The following ZNF69 variants were observed in gnomAD, a reference collection of about 807,000 sequenced individuals.
ZNF69 encodes the protein ZNF3.
Under a neutral mutation model 50.9 loss-of-function variants are expected in ZNF69, and 47 were observed. That is an observed-to-expected ratio of 0.92 (90% CI 0.73 to 1.18). The LOEUF is 1.18. Ranked by LOEUF, ZNF69 falls within the 50% of genes most tolerant of loss-of-function variation. The pLI is 0.00. For synonymous variants in ZNF69, 216 were observed against 223.1 expected, an observed-to-expected ratio of 0.97 and a Z score of 0.29; for missense variants, 717 against 675.1, an observed-to-expected ratio of 1.06 and a Z score of -0.69.
the ZNF69 span, chr19:11,948,397 T>G: frequency 3.4e-5 from 55 of 1,613,886 alleles, no homozygotes; most frequent in Non-Finnish European, 4.6e-5. Flanking sequence ...TGAAGTAAAA[T>G]CATGTGACAG....
At chr19:11,928,965 A>G in the ZNF69 span, among the ~76,000 whole-genome samples, 3 of 147,436 alleles carry the variant, frequency 2.0e-5, no homozygotes, top group Admixed American at 6.7e-5. Context: ...GGAGAGGGAA[A>G]GGGTCTTTCC....
In ZNF69 at chr19:11,887,815, CT is replaced by C; in HGVS notation, c.-107del. The C allele has an allele frequency of 1.1e-6, 1 of 926,666 alleles. No individual in the cohort carries two copies. The highest frequency in any genetic ancestry group is 1.5e-5 in the South Asian group (1 of 67,712). 57.4% of individuals were successfully genotyped at this position (926,666 alleles called of 1,614,324 possible). The stretch of plus-strand genomic sequence containing the variant: ...TCCAGACACTGAGGGGGTCGCATTC[CT>C]TACCTCACCTTTGTCCCTGCGCGGG... On this transcript the variant is annotated 5_prime_UTR_variant, in exon 1 of 4. Transcript: ENST00000429654.
chr19:11,944,874 C>A, the ZNF69 span, among the ~76,000 whole-genome samples: 1 of 152,200 alleles, frequency 6.6e-6, no homozygotes, highest in Non-Finnish European at 1.5e-5. Flanking sequence ...GACTCCTGGC[C>A]TAGATGGGTG....
the ZNF69 span, among the ~76,000 whole-genome samples, chr19:11,958,688 C>T: frequency 6.6e-6 from 1 of 152,138 alleles, no homozygotes; most frequent in Admixed American, 6.5e-5. Context: ...CCAGCCTGGC[C>T]TGTGTCTCCA....
the ZNF69 span, among the ~76,000 whole-genome samples, chr19:11,941,899 C>T: frequency 2.0e-5 from 3 of 152,172 alleles, no homozygotes; most frequent in Middle Eastern, 3.2e-3. Flanking sequence ...TCCATTCAGC[C>T]GTCAGTGGAT....
At chr19:11,979,766 G>A in the ZNF69 span, 38 of 1,581,462 alleles carry the variant, frequency 2.4e-5, no homozygotes, top group Non-Finnish European at 3.3e-5. Flanking sequence ...TCGAATCCAT[G>A]GTAGAACTCA....
the ZNF69 span, among the ~76,000 whole-genome samples, chr19:11,940,856 G>A: frequency 2.0e-5 from 3 of 152,138 alleles, no homozygotes; most frequent in Admixed American, 2.0e-4. Flanking sequence ...TAGATACAGA[G>A]TGTTGACATA....
the ZNF69 span, among the ~76,000 whole-genome samples, chr19:11,919,826 C>G: frequency 0.051 from 7,702 of 152,196 alleles, 425 homozygotes; most frequent in African/African-American, 0.13. Context: ...ATGTTGGACT[C>G]CCGAAGCTCC....
At chr19:11,978,242 TG>T in the ZNF69 span, 1 of 1,613,942 alleles carries the variant, frequency 6.2e-7, no homozygotes, top group East Asian at 2.2e-5. Context: ...CAAAATCATG[TG>T]ATAACTTTGT....
At chr19:11,899,074 AT>A (rs1972188352) in intron 1 of ZNF69, among the ~76,000 whole-genome samples, 1 of 152,036 alleles carries the variant, frequency 6.6e-6, no homozygotes, top group African/African-American at 2.4e-5. Flanking sequence ...TGCCCTCAAA[AT>A]CCCCTGTGCT....
chr19:11,932,635 ATT>A, the ZNF69 span, among the ~76,000 whole-genome samples: 410 of 116,818 alleles, frequency 3.5e-3, 19 homozygotes, highest in African/African-American at 0.013. Flanking sequence ...CCAATATGTG[ATT>A]TTTTTTTTTT....
rs1247808758 is a variant in ZNF69 at position 11,906,492 on chromosome 19, C to A, written c.*394C>A. Among the ~76,000 whole-genome samples the A allele has an allele frequency of 1.3e-5, 2 of 152,186 alleles. No individual in the cohort carries two copies. Among genetic ancestry groups the A allele is most frequent in the Non-Finnish European group, 2.9e-5 (2 of 68,040 alleles). On this transcript the variant is annotated 3_prime_UTR_variant, in exon 4 of 4. Transcript: ENST00000429654. Reference sequence around the variant, plus strand: ...GTGACGAAGCTTCCAGAGGAAGGATCAGGCAACAACATTTGCCGTTCTGCA... The same window carrying A: ...GTGACGAAGCTTCCAGAGGAAGGATAAGGCAACAACATTTGCCGTTCTGCA...
the ZNF69 span, chr19:11,925,407 G>T: frequency 2.1e-6 from 3 of 1,402,330 alleles, no homozygotes; most frequent in African/African-American, 4.4e-5. Flanking sequence ...TGAGCAGTTC[G>T]GCCCTCGGTC....
downstream of ZNF69, among the ~76,000 whole-genome samples, chr19:11,909,230 T>A (rs1258160043): frequency 2.6e-5 from 4 of 152,202 alleles, no homozygotes; most frequent in African/African-American, 9.7e-5. Context: ...CACAGCTGAA[T>A]TCTACCAGAG....
chr19:11,979,084 A>G, the ZNF69 span: 5 of 1,614,120 alleles, frequency 3.1e-6, no homozygotes, highest in Admixed American at 1.7e-5. Context: ...ACACCTAAGA[A>G]TGCGCTCTGG....
chr19:11,964,257 G>C, the ZNF69 span, among the ~76,000 whole-genome samples: 19,195 of 152,240 alleles, frequency 0.13, 2,238 homozygotes, highest in African/African-American at 0.31. Flanking sequence ...GAAGAGACGT[G>C]CAGACGCCTT....
At chr19:11,895,302 G>T (rs11085798) in intron 1 of ZNF69, among the ~76,000 whole-genome samples, 27,859 of 152,250 alleles carry the variant, frequency 0.18, 3,417 homozygotes, top group Non-Finnish European at 0.27. Context: ...CAGCACAGCT[G>T]CAGAGCAACA....
the ZNF69 span, among the ~76,000 whole-genome samples, chr19:11,920,795 A>T: frequency 6.6e-6 from 1 of 152,308 alleles, no homozygotes; most frequent in East Asian, 1.9e-4. Context: ...TTTCTTAAGG[A>T]TTCCACCTGC....
the ZNF69 span, chr19:11,948,865 A>G: frequency 6.2e-7 from 1 of 1,604,626 alleles, no homozygotes; most frequent in Non-Finnish European, 8.5e-7. Flanking sequence ...CTATGAATGT[A>G]GCAAATGTGA....
Sources: allele counts gnomAD v4.1 joint callset (sites outside exome capture counted in the v4.1 genomes callset), GRCh38; gene constraint gnomAD v4.1.1; transcripts MANE v1.5; gene names NCBI Gene and HGNC (gene_info 2026-07-23, HGNC 2026-07-21).